AJUBA: variants seen among roughly 807,000 people sequenced by gnomAD.
AJUBA encodes the protein ajuba LIM protein, also known as LIM domain-containing protein ajuba.
AJUBA carries 20 observed loss-of-function variants against 53.3 expected under a neutral mutation model. The observed-to-expected ratio is 0.38, with a 90% CI of 0.26 to 0.55. The LOEUF is 0.55. Among genes scored for constraint, AJUBA ranks in the 20% least tolerant of loss-of-function variants. The pLI, the probability that AJUBA is intolerant of heterozygous loss-of-function variation, is 0.80. For missense variants in AJUBA, 580 were observed against 730.5 expected (o/e 0.79, Z 2.38); for synonymous variants, 296 against 306.2 (o/e 0.97, Z 0.35).
At position 22,974,078 on chromosome 14, in the gene AJUBA, C is replaced by T. The variant is rs768367910; in HGVS notation, c.1460G>A (p.Arg487Gln). ...EDIVRVISMD[R>Q]DYHFECYHCE... ...GTGGTAGCACTCAAAGTGATAATCC[C>T]GGTCCATGGATATCACCCTCACGAT... Residue 487 changes from arginine (R) to glutamine (Q), a missense_variant, in exon 7 of 8, where the codon CGG becomes CAG. Around this residue, in one of 2 missense-constraint regions of AJUBA, gnomAD observed 150 missense variants for 259.0 expected, o/e 0.58. Coordinates refer to ENST00000262713, the MANE Select transcript of AJUBA (RefSeq NM_032876.6). 38 of 1,613,996 alleles carry T rather than the reference C, an allele frequency of 2.4e-5. No individual in the cohort carries two copies. In the South Asian group the frequency reaches 2.5e-4, roughly 11 times the overall value.
Position 22,979,081 on chromosome 14 carries a change from C to T in AJUBA, c.1007-636G>A. On this transcript the variant is annotated intron_variant, in intron 1 of 7. Transcript: ENST00000262713. This position sits in a 1 kb window ranked among gnomAD's most constrained non-coding sequence, Gnocchi z 4.0. The stretch of plus-strand genomic sequence containing the variant: ...GAGAATGCAGGGTGTGTTCCAGGAA[C>T]CAGGGTTGAACAGGAAAGCAGGGAG... The T allele has an allele frequency of 7.8e-7, 1 of 1,286,984 alleles. No homozygotes were observed. Among genetic ancestry groups the T allele is most frequent in the Non-Finnish European group, 1.0e-6 (1 of 987,870 alleles). The allele number at this position is 1,286,984 out of a possible 1,614,324, so 79.7% of individuals were successfully genotyped here. A position where few individuals can be genotyped will look rare whatever the true frequency, so the allele number is the denominator to read the frequency against.
chr14:22,973,437 T>A lies in AJUBA; in HGVS notation c.*6A>T. Reference sequence around the variant, plus strand: ...GCAGGGTGACAGCAGCAGCAGTGATTGCAGCTCAGATATAGTTGGCAGGGG... The same window carrying A: ...GCAGGGTGACAGCAGCAGCAGTGATAGCAGCTCAGATATAGTTGGCAGGGG... On this transcript the variant is annotated 3_prime_UTR_variant, in exon 8 of 8. Coordinates refer to ENST00000262713, the MANE Select transcript of AJUBA (RefSeq NM_032876.6). 1.2e-6 allele frequency: 2 copies of A among 1,605,780 alleles called. No homozygotes were observed. The highest frequency in any genetic ancestry group is 1.7e-6 in the Non-Finnish European group (2 of 1,176,120).
rs920622915 is a variant in AJUBA at position 22,972,374 on chromosome 14, G to A, written c.*1069C>T. The A allele has an allele frequency of 2.0e-5, 3 of 152,488 alleles. No homozygotes were observed. Among genetic ancestry groups the A allele is most frequent in the African/African-American group, 7.3e-5 (3 of 41,354 alleles). 9.4% of individuals were successfully genotyped at this position (152,488 alleles called of 1,614,324 possible). Reference sequence around the variant, plus strand: ...GACAGAGAGACAAGAGAGAGAGTGTGTGTGTGCATGAACACACCCACACAT... The same window carrying A: ...GACAGAGAGACAAGAGAGAGAGTGTATGTGTGCATGAACACACCCACACAT... On this transcript the variant is annotated 3_prime_UTR_variant, in exon 8 of 8. Transcript: ENST00000262713.
intron 6 of AJUBA, chr14:22,974,547 C>A (rs1244077024): frequency 6.5e-6 from 3 of 463,986 alleles, no homozygotes; most frequent in East Asian, 3.7e-5. Context: ...TTCTTCCCAC[C>A]TTTTTCCAGC....
At chr14:22,974,003 C>T (rs751568371) in intron 7 of AJUBA, 44 bp downstream of exon 7, 1 of 1,611,092 alleles carries the variant, frequency 6.2e-7, no homozygotes, top group African/African-American at 1.3e-5. Context: ...TCCCCTCTCC[C>T]CATTTCCACT....
At position 22,979,049 on chromosome 14, in the gene AJUBA, G is replaced by A. The variant is rs1261198388; in HGVS notation, c.1007-604C>T. On this transcript the variant is annotated intron_variant, in intron 1 of 7. Coordinates refer to ENST00000262713, the MANE Select transcript of AJUBA (RefSeq NM_032876.6). This position sits in a 1 kb window ranked among gnomAD's most constrained non-coding sequence, Gnocchi z 4.0. ...GTGAGCATGATTCCTGTGGGGAGGT[G>A]GCTGCTGAGAATGCAGGGTGTGTTC... 1.6e-6 allele frequency: 2 copies of A among 1,288,800 alleles called. No individual in the cohort carries two copies. The highest frequency in any genetic ancestry group is 2.0e-6 in the Non-Finnish European group (2 of 988,624). 79.8% of individuals were successfully genotyped at this position (1,288,800 alleles called of 1,614,324 possible). A position where few individuals can be genotyped will look rare whatever the true frequency, so the allele number is the denominator to read the frequency against.
In AJUBA at chr14:22,981,700, G is replaced by A. The variant is rs2045098994; in HGVS notation, c.567C>T (p.Ala189=). ...AGPCLFGPPL[A]GAPAGYSPGG... is the part of the protein sequence containing the mutation. The stretch of plus-strand genomic sequence containing the variant: ...CGGGAGAATAGCCTGCCGGTGCTCC[G>A]GCCAGGGGTGGGCCAAACAGGCACG... The change falls in exon 1 of 8, where the codon GCC becomes GCT. Residue 189 remains alanine (A), a synonymous_variant. Coordinates refer to ENST00000262713, the MANE Select transcript of AJUBA (RefSeq NM_032876.6). 2 of 1,524,262 alleles carry A rather than the reference G, an allele frequency of 1.3e-6. No individual in the cohort carries two copies. The highest frequency in any genetic ancestry group is 2.5e-5 in the East Asian group (1 of 40,782). The allele number at this position is 1,524,262 out of a possible 1,614,324, so 94.4% of individuals were successfully genotyped here. A position where few individuals can be genotyped will look rare whatever the true frequency, so the allele number is the denominator to read the frequency against.
intron 6 of AJUBA, 94 bp from the exon 7 acceptor site, chr14:22,974,209 T>C (rs1241968722): frequency 2.3e-6 from 3 of 1,287,192 alleles, no homozygotes; most frequent in Non-Finnish European, 2.3e-6. Context: ...CATGGGAAGA[T>C]CATACAAATG....
Position 22,981,746 on chromosome 14 carries a change from C to T in AJUBA, c.521G>A (p.Gly174Glu), listed in dbSNP as rs1478568700. ...GCACGGCCCCGCTGGCAAGGGGCTCCCGTGGCGCTGGTCGTAGCCCATGCT... is the reference window on the plus strand; with the variant it reads ...GCACGGCCCCGCTGGCAAGGGGCTCTCGTGGCGCTGGTCGTAGCCCATGCT... ...GISMGYDQRH[G>E]SPLPAGPCLF... Residue 174 changes from glycine to glutamate, a missense_variant, in exon 1 of 8, where the codon GGG (glycine) becomes GAG (glutamate). Physicochemically the swap from Gly to Glu is moderately conservative, Grantham distance 98. Transcript: ENST00000262713. 6.5e-7 allele frequency: 1 copy of T among 1,534,048 alleles called. No homozygotes were observed. The highest frequency in any genetic ancestry group is 2.5e-5 in the East Asian group (1 of 40,794).
intron 7 of AJUBA, 49 bp from the exon 8 acceptor site, chr14:22,973,617 T>C (rs766444693): frequency 6.2e-7 from 1 of 1,608,212 alleles, no homozygotes; most frequent in East Asian, 2.2e-5. Flanking sequence ...CCTTGGACAC[T>C]GAGGGTATCT....
In AJUBA at chr14:22,979,492, G is replaced by C. The variant is rs1229378823; in HGVS notation, c.1007-1047C>G. On this transcript the variant is annotated intron_variant, in intron 1 of 7. Coordinates refer to ENST00000262713, the MANE Select transcript of AJUBA (RefSeq NM_032876.6). This position sits in a 1 kb window ranked among gnomAD's most constrained non-coding sequence, Gnocchi z 4.0. Reference sequence around the variant, plus strand: ...TGGGCAAGGCTGAAGCCAAGGAAGAGGGCCCCTACTAGGGGCAGGAGGAGG... The same window carrying C: ...TGGGCAAGGCTGAAGCCAAGGAAGACGGCCCCTACTAGGGGCAGGAGGAGG... Among the ~76,000 whole-genome samples the C allele has an allele frequency of 6.6e-6, 1 of 152,240 alleles. No individual in the cohort carries two copies. Among genetic ancestry groups the C allele is most frequent in the Non-Finnish European group, 1.5e-5 (1 of 68,048 alleles).
In AJUBA at chr14:22,981,725, G is replaced by T; in HGVS notation, c.542C>A (p.Pro181Gln). The part of the protein sequence containing the change: ...QRHGSPLPAG[P>Q]CLFGPPLAGA... Reference sequence around the variant, plus strand: ...GGCCAGGGGTGGGCCAAACAGGCACGGCCCCGCTGGCAAGGGGCTCCCGTG... The same window carrying T: ...GGCCAGGGGTGGGCCAAACAGGCACTGCCCCGCTGGCAAGGGGCTCCCGTG... The change falls in exon 1 of 8, where the codon CCG becomes CAG. Residue 181 changes from proline (P) to glutamine (Q), a missense_variant. Pro to Gln is a moderately conservative substitution (Grantham distance 76). This residue lies in a region of AJUBA where 430 missense variants were observed against 471.5 expected (regional missense o/e 0.91). Transcript: ENST00000262713. The T allele has an allele frequency of 6.5e-7, 1 of 1,531,300 alleles. No homozygotes were observed. The allele number at this position is 1,531,300 out of a possible 1,614,324, so 94.9% of individuals were successfully genotyped here. A position where few individuals can be genotyped will look rare whatever the true frequency, so the allele number is the denominator to read the frequency against.
rs1233675974 is a variant in AJUBA at position 22,974,029 on chromosome 14, C to A, written c.1491+18G>T. The A allele has an allele frequency of 1.2e-6, 2 of 1,614,082 alleles. No individual in the cohort carries two copies. Among genetic ancestry groups the A allele is most frequent in the South Asian group, 2.2e-5 (2 of 91,080 alleles). ...CATTTCCACTTCTTCTCCAGCACCG[C>A]TGAACCCCAACACTCACCTCACAGT... On this transcript the variant is annotated intron_variant, in intron 7 of 7. Transcript: ENST00000262713.
chr14:22,972,682 A>C lies in AJUBA; in HGVS notation c.*761T>G, dbSNP rs1594561063. 1 of 152,562 alleles carries C rather than the reference A, an allele frequency of 6.6e-6. No individual in the cohort carries two copies. The highest frequency in any genetic ancestry group is 1.5e-5 in the Non-Finnish European group (1 of 68,044). 9.5% of individuals were successfully genotyped at this position (152,562 alleles called of 1,614,324 possible). On this transcript the variant is annotated 3_prime_UTR_variant, in exon 8 of 8. Transcript: ENST00000262713. ...AGTCCTTAGAAGAAGGCCAAGAAAT[A>C]ACTCATTAATGAGGTCCAGAGTTTC... is the stretch of plus-strand genomic sequence containing the variant.
chr14:22,978,753 G>T (rs1170685133), intron 1 of AJUBA: 1 of 1,210,612 alleles, frequency 8.3e-7, no homozygotes, highest in East Asian at 5.1e-5. Context: ...CTTAGTTTCT[G>T]TTGGGGAGAA....
chr14:22,976,483 A>C lies in AJUBA; in HGVS notation c.1212T>G (p.Cys404Trp). Residue 404 changes from cysteine (C) to tryptophan (W), a missense_variant, in exon 4 of 8, where the codon TGT becomes TGG. Transcript: ENST00000262713. ...SGFQEAAEKC[C>W]VCGHLILEKI... is the part of the protein sequence containing the mutation. ...TCTCCAAAATCAAGTGACCACAGAC[A>C]CAGCATTTCTCAGCTGCCTCCTGAA... The C allele has an allele frequency of 6.2e-7, 1 of 1,614,174 alleles. No homozygotes were observed. The highest frequency in any genetic ancestry group is 2.2e-5 in the East Asian group (1 of 44,884).
At chr14:22,975,126 G>T in intron 4 of AJUBA, 22 bp from the exon 5 acceptor site, 2 of 1,602,784 alleles carry the variant, frequency 1.2e-6, no homozygotes, top group Non-Finnish European at 1.7e-6. Flanking sequence ...GGTAGCAAGA[G>T]AATCAGTCTC....
At chr14:22,977,579 TA>T (rs2045048972) in intron 2 of AJUBA, 1 of 152,098 alleles carries the variant, frequency 6.6e-6, no homozygotes, top group African/African-American at 2.4e-5. Context: ...GAAAGAGATA[TA>T]GCCAGAAGAG....
At chr14:22,975,237 C>A (rs566557023) in intron 4 of AJUBA, 133 bp from the exon 5 acceptor site, 29 of 1,290,826 alleles carry the variant, frequency 2.2e-5, no homozygotes, top group Non-Finnish European at 2.9e-5. Flanking sequence ...TATGTAATGT[C>A]GGTGAAGAAG....
Sources: allele counts gnomAD v4.1 joint callset (sites outside exome capture counted in the v4.1 genomes callset), GRCh38; gene constraint gnomAD v4.1.1; regional missense constraint gnomAD v4.1.1; non-coding constraint Gnocchi (gnomAD v3.1); transcripts MANE v1.5; gene names NCBI Gene and HGNC (gene_info 2026-07-23, HGNC 2026-07-21).